Variants in KIAA1328 observed in about 807,000 individuals in gnomAD.
The protein encoded by KIAA1328 is KIAA1328.
Under a neutral mutation model 68.1 loss-of-function variants are expected in KIAA1328, and 52 were observed. That is an observed-to-expected ratio of 0.76 (90% CI 0.61 to 0.96). The LOEUF is 0.96. Ranked by LOEUF, KIAA1328 falls within the 40% of genes least tolerant of loss-of-function variation. KIAA1328 has a pLI of 0.00. For missense variants in KIAA1328, 641 were observed against 677.6 expected (o/e 0.95, Z 0.60); for synonymous variants, 232 against 239.4 (o/e 0.97, Z 0.28).
At chr18:36,959,704 A>G (rs2051578951) in intron 6 of KIAA1328, among the ~76,000 whole-genome samples, 1 of 152,214 alleles carries the variant, frequency 6.6e-6, no homozygotes, top group Non-Finnish European at 1.5e-5. Flanking sequence ...AGAAGGGTAA[A>G]GAAAACACTG....
In KIAA1328 at chr18:37,196,128, A is replaced by G. The variant is rs550318857; in HGVS notation, c.1523+23047A>G. On this transcript the variant is annotated intron_variant, in intron 9 of 9. Transcript: ENST00000280020. ...AGTATGGAAACACTACTGATTTTTGAATGTTGAATTTGTATCCTGCAACTT... is the reference window on the plus strand; with the variant it reads ...AGTATGGAAACACTACTGATTTTTGGATGTTGAATTTGTATCCTGCAACTT... Among the ~76,000 whole-genome samples, 15 of 152,030 alleles carry G rather than the reference A, an allele frequency of 9.9e-5. No homozygotes were observed. In the East Asian group the frequency reaches 2.7e-3, roughly 27 times the overall value.
At chr18:37,088,105 G>C (rs966353185) in intron 7 of KIAA1328, among the ~76,000 whole-genome samples, 1 of 152,110 alleles carries the variant, frequency 6.6e-6, no homozygotes, top group Non-Finnish European at 1.5e-5. Context: ...ACATGTTTCA[G>C]CTTACAGCAT....
At chr18:36,841,288 A>T (rs1194177582) in intron 3 of KIAA1328, among the ~76,000 whole-genome samples, 1 of 151,890 alleles carries the variant, frequency 6.6e-6, no homozygotes, top group Non-Finnish European at 1.5e-5. Flanking sequence ...CCTACTATTC[A>T]TCAGGAAGTA....
chr18:37,188,974 T>C (rs2059854249), intron 9 of KIAA1328, among the ~76,000 whole-genome samples: 1 of 152,162 alleles, frequency 6.6e-6, no homozygotes, highest in Non-Finnish European at 1.5e-5. Flanking sequence ...TCATTTCAGA[T>C]TGAAAGAAAG....
intron 7 of KIAA1328, among the ~76,000 whole-genome samples, chr18:37,129,318 G>A (rs577231781): frequency 1.3e-5 from 2 of 152,040 alleles, no homozygotes; most frequent in African/African-American, 2.4e-5. Context: ...AAAAAACCAC[G>A]TGAAAAGAAC....
At chr18:37,173,442 C>T (rs1271050329) in intron 9 of KIAA1328, among the ~76,000 whole-genome samples, 1 of 152,180 alleles carries the variant, frequency 6.6e-6, no homozygotes, top group African/African-American at 2.4e-5. Context: ...ATTATAGTGG[C>T]TTTTGTACTA....
intron 1 of KIAA1328, 55 bp downstream of exon 1, chr18:36,829,251 G>A (rs2046364444): frequency 2.7e-6 from 4 of 1,465,484 alleles, no homozygotes; most frequent in African/African-American, 1.5e-5. Context: ...GACGGCGAGG[G>A]GCGAGCCGTC....
At chr18:37,159,340 T>G (rs898266576) in intron 7 of KIAA1328, among the ~76,000 whole-genome samples, 10 of 152,230 alleles carry the variant, frequency 6.6e-5, no homozygotes, top group African/African-American at 2.4e-4. Context: ...AGATTCCCTT[T>G]GCTTCTGGGG....
intron 4 of KIAA1328, among the ~76,000 whole-genome samples, chr18:36,861,555 C>T (rs894270814): frequency 6.6e-6 from 1 of 152,132 alleles, no homozygotes; most frequent in Admixed American, 6.6e-5. Context: ...ATTTGTTTTG[C>T]ATTTATTAAT....
At chr18:37,109,775 T>C (rs556976169) in intron 7 of KIAA1328, among the ~76,000 whole-genome samples, 1 of 152,280 alleles carries the variant, frequency 6.6e-6, no homozygotes, top group African/African-American at 2.4e-5. Context: ...ACACAAATCT[T>C]TTTGAAAGTA....
At chr18:37,066,730 G>A (rs2151732587) in intron 6 of KIAA1328, 160 bp from the exon 7 acceptor site, 1 of 630,864 alleles carries the variant, frequency 1.6e-6, no homozygotes, top group Non-Finnish European at 2.6e-6. Context: ...TAGCTTTGGG[G>A]CACAAGTCTG....
chr18:37,005,432 T>TA (rs58940026), intron 6 of KIAA1328, among the ~76,000 whole-genome samples: 95 of 148,468 alleles, frequency 6.4e-4, no homozygotes, highest in African/African-American at 1.9e-3. Flanking sequence ...AGCTATTATT[T>TA]AAAAAAAAAA....
intron 6 of KIAA1328, among the ~76,000 whole-genome samples, chr18:37,015,491 T>C (rs1190581766): frequency 6.6e-6 from 1 of 152,202 alleles, no homozygotes; most frequent in African/African-American, 2.4e-5. Flanking sequence ...GCTCTTTTTT[T>C]GGTTTCATAT....
chr18:37,092,090 A>C (rs1250950923), intron 7 of KIAA1328, among the ~76,000 whole-genome samples: 1 of 151,688 alleles, frequency 6.6e-6, no homozygotes, highest in African/African-American at 2.4e-5. Flanking sequence ...TGACCCACCC[A>C]CCTGTCACAG....
rs941260115 is a variant in KIAA1328, at chr18:36,988,796, C to G, written c.576+29361C>G. On this transcript the variant is annotated intron_variant, in intron 6 of 9. Transcript: ENST00000280020. Reference sequence around the variant, plus strand: ...TTACCTATACATGTATCATCCTATACATATAATTTATACTGTTTATATAAT... The same window carrying G: ...TTACCTATACATGTATCATCCTATAGATATAATTTATACTGTTTATATAAT... Among the ~76,000 whole-genome samples the G allele has an allele frequency of 4.1e-4, 6 of 14,736 alleles. No homozygotes were observed. The East Asian group carries it at 0.012, about 29-fold the overall frequency. The allele number at this position is 14,736 out of a possible 152,430, so 9.7% of individuals were successfully genotyped here. A position where few individuals can be genotyped will look rare whatever the true frequency, so the allele number is the denominator to read the frequency against.
intron 6 of KIAA1328, among the ~76,000 whole-genome samples, chr18:37,017,858 G>T (rs1161995161): frequency 6.6e-6 from 1 of 152,038 alleles, no homozygotes; most frequent in African/African-American, 2.4e-5. Context: ...GTATCATTAT[G>T]TGTGAGATGG....
At chr18:36,845,306 T>C (rs1362968708) in intron 4 of KIAA1328, among the ~76,000 whole-genome samples, 2 of 151,784 alleles carry the variant, frequency 1.3e-5, no homozygotes, top group East Asian at 1.9e-4. Flanking sequence ...TGTTCTTTTA[T>C]TGGGAAAACA....
intron 6 of KIAA1328, among the ~76,000 whole-genome samples, chr18:36,985,051 C>G (rs1489756515): frequency 6.6e-6 from 1 of 152,040 alleles, no homozygotes; most frequent in Admixed American, 6.6e-5. Context: ...ACCTAAAATT[C>G]AAGCATTTGG....
chr18:37,161,813 T>C (rs1242503938), intron 8 of KIAA1328, among the ~76,000 whole-genome samples: 1 of 152,146 alleles, frequency 6.6e-6, no homozygotes, highest in Non-Finnish European at 1.5e-5. Flanking sequence ...AAAAATATAG[T>C]GGAATAGCAA....
Sources: allele counts gnomAD v4.1 joint callset (sites outside exome capture counted in the v4.1 genomes callset), GRCh38; gene constraint gnomAD v4.1.1; transcripts MANE v1.5; gene names NCBI Gene and HGNC (gene_info 2026-07-23, HGNC 2026-07-21).